The following PLXNA1 variants were observed in gnomAD, a reference collection of about 807,000 sequenced individuals.
PLXNA1 encodes plexin A1, also known as plexin-A1.
A neutral mutation model predicts 191.7 loss-of-function variants in PLXNA1; 77 were observed. That is an observed-to-expected ratio of 0.40 (90% CI 0.33 to 0.49). The LOEUF is 0.49. PLXNA1 is among the 20% of genes least tolerant of loss of function. PLXNA1 has a pLI of 0.63. For synonymous variants in PLXNA1, 1,137 were observed against 1,156.4 expected (o/e 0.98, Z 0.34); for missense variants, 2,110 against 2,660.2 (o/e 0.79, Z 4.55).
Position 127,012,138 on chromosome 3 carries a change from C to A in PLXNA1, c.2293C>A (p.Leu765Met), listed in dbSNP as rs2079099037. 6.2e-7 allele frequency: 1 copy of A among 1,612,336 alleles called. No homozygotes were observed. Among genetic ancestry groups the A allele is most frequent in the Non-Finnish European group, 8.5e-7 (1 of 1,179,824 alleles). ...CGCCCTGCGCTTCAACAGCTCCAGC[C>A]TGCAGTGCCAGAATTCCTCGGTGAG... Reference protein sequence around the residue: ...VTALRFNSSSLQCQNSSYSYE... With the variant: ...VTALRFNSSSMQCQNSSYSYE... Residue 765 changes from leucine to methionine, a missense_variant, in exon 10 of 32, where the codon CTG (leucine) becomes ATG (methionine). Leu to Met is a conservative substitution (Grantham distance 15, BLOSUM62 2). Transcript: ENST00000393409.
chr3:126,986,658 C>T (rs1039887201), intron 1 of PLXNA1, among the ~76,000 whole-genome samples: 1 of 152,142 alleles, frequency 6.6e-6, no homozygotes, highest in Non-Finnish European at 1.5e-5. Flanking sequence ...CCTGCTCTCA[C>T]AGGGCAGCCA....
intron 15 of PLXNA1, among the ~76,000 whole-genome samples, chr3:127,016,067 TCG>T (rs1341994031): frequency 6.6e-6 from 1 of 151,726 alleles, no homozygotes; most frequent in Non-Finnish European, 1.5e-5. Flanking sequence ...GCAGGGAAGG[TCG>T]CGCCAGGGCT....
Position 127,034,223 on chromosome 3 carries a change from C to T in PLXNA1, c.*206C>T, listed in dbSNP as rs774124003. Reference sequence around the variant, plus strand: ...GATGGTACCTGCCACACCACAGCTGCGCACACAGCTGCTTGCTCAGGGGCC... The same window carrying T: ...GATGGTACCTGCCACACCACAGCTGTGCACACAGCTGCTTGCTCAGGGGCC... On this transcript the variant is annotated 3_prime_UTR_variant, in exon 32 of 32. Transcript: ENST00000393409. 12 of 526,358 alleles carry T rather than the reference C, an allele frequency of 2.3e-5. No individual in the cohort carries two copies. The highest frequency in any genetic ancestry group is 3.1e-5 in the Non-Finnish European group (9 of 294,100). 32.6% of individuals were successfully genotyped at this position (526,358 alleles called of 1,614,324 possible).
Position 127,015,277 on chromosome 3 carries a change from G to T in PLXNA1, c.2971G>T (p.Asp991Tyr), listed in dbSNP as rs2079117220. The T allele has an allele frequency of 6.2e-7, 1 of 1,612,416 alleles. No homozygotes were observed. Among genetic ancestry groups the T allele is most frequent in the Non-Finnish European group, 8.5e-7 (1 of 1,179,644 alleles). Residue 991 changes from aspartate to tyrosine, a missense_variant, in exon 15 of 32, where the codon GAT becomes TAT. Around this residue, in one of 4 missense-constraint regions of PLXNA1, gnomAD observed 644 missense variants for 714.3 expected, o/e 0.90. Coordinates refer to ENST00000393409, the MANE Select transcript of PLXNA1 (RefSeq NM_032242.4). ...GGGAAGCCACCTGAACGCAGGCAGT[G>T]ATGTGGCTGTGTCGGTCGGTGGCCG... ...IEGSHLNAGS[D>Y]VAVSVGGRPC...
chr3:126,999,530 G>A (rs558351084), intron 3 of PLXNA1, among the ~76,000 whole-genome samples: 10 of 152,346 alleles, frequency 6.6e-5, no homozygotes, highest in East Asian at 3.9e-4. Context: ...GGCGCGTGCC[G>A]GTCCTGGCAC....
intron 26 of PLXNA1, 103 bp from the exon 27 acceptor site, chr3:127,029,337 G>A (rs2079194071): frequency 9.0e-7 from 1 of 1,105,988 alleles, no homozygotes. Context: ...CTGCCTCCAG[G>A]CACAGCACTA....
At chr3:127,021,330 G>C (rs916266633) in intron 21 of PLXNA1, among the ~76,000 whole-genome samples, 1 of 152,136 alleles carries the variant, frequency 6.6e-6, no homozygotes, top group Non-Finnish European at 1.5e-5. Flanking sequence ...TGTATGTTCT[G>C]CCTGGGCCAT....
Position 127,003,358 on chromosome 3 carries a change from G to A in PLXNA1, c.1406G>A (p.Gly469Asp), listed in dbSNP as rs569480080. 3.1e-6 allele frequency: 5 copies of A among 1,607,932 alleles called. No homozygotes were observed. In the African/African-American group the frequency reaches 5.3e-5, roughly 17 times the overall value. ...CTGGTGGACCTCTCAAACCCCGGTGGCCGGCCTGCCCTGGCCTACGAGAGC... is the reference window on the plus strand; with the variant it reads ...CTGGTGGACCTCTCAAACCCCGGTGACCGGCCTGCCCTGGCCTACGAGAGC... ...KILVDLSNPG[G>D]RPALAYESVV... Residue 469 changes from glycine (G) to aspartate (D), a missense_variant, in exon 4 of 32, where the codon GGC (glycine) becomes GAC (aspartate). Coordinates refer to ENST00000393409, the MANE Select transcript of PLXNA1 (RefSeq NM_032242.4).
intron 3 of PLXNA1, 114 bp downstream of exon 3, chr3:126,991,680 C>A: frequency 8.7e-7 from 1 of 1,146,610 alleles, no homozygotes; most frequent in Non-Finnish European, 1.2e-6. Flanking sequence ...CTAGATCTGG[C>A]GTACAGGGGG....
rs1280285838 is a variant in PLXNA1, at chr3:127,014,775, G to A, written c.2821G>A (p.Val941Met). Reference sequence around the variant, plus strand: ...CCATGACGCCCTGGTGGAGGTGTGTGTGCGGGACTGCTCACCACACTACCG... The same window carrying A: ...CCATGACGCCCTGGTGGAGGTGTGTATGCGGGACTGCTCACCACACTACCG... ...RAHDALVEVC[V>M]RDCSPHYRAL... The change falls in exon 14 of 32, where the codon GTG (valine) becomes ATG (methionine). Residue 941 changes from valine (V) to methionine (M), a missense_variant. Val to Met is a conservative substitution (Grantham distance 21, BLOSUM62 1). Coordinates refer to ENST00000393409, the MANE Select transcript of PLXNA1 (RefSeq NM_032242.4). The A allele has an allele frequency of 1.2e-6, 2 of 1,612,836 alleles. No homozygotes were observed. Among genetic ancestry groups the A allele is most frequent in the African/African-American group, 1.3e-5 (1 of 75,064 alleles).
chr3:126,988,734 C>A lies in PLXNA1; in HGVS notation c.141C>A (p.Ser47Arg). 1 of 1,583,550 alleles carries A rather than the reference C, an allele frequency of 6.3e-7. No homozygotes were observed. The highest frequency in any genetic ancestry group is 8.6e-7 in the Non-Finnish European group (1 of 1,162,004). ...SQPPFRTFSA[S>R]DWGLTHLVVH... The stretch of plus-strand genomic sequence containing the variant: ...CCCCCTTCCGCACCTTCTCGGCCAG[C>A]GACTGGGGCCTCACCCACCTAGTGG... Residue 47 changes from serine to arginine, a missense_variant, in exon 2 of 32, where the codon AGC becomes AGA. Ser to Arg is a moderately radical substitution (Grantham distance 110). Transcript: ENST00000393409.
At chr3:127,027,752 G>A (rs1009359995) in intron 23 of PLXNA1, 188 bp from the exon 24 acceptor site, 1 of 778,464 alleles carries the variant, frequency 1.3e-6, no homozygotes, top group South Asian at 1.5e-5. Flanking sequence ...GGTATGTTTT[G>A]TTTCCTGATT....
chr3:127,003,278 T>C (rs755922983), intron 3 of PLXNA1, 52 bp from the exon 4 acceptor site: 193 of 1,508,276 alleles, frequency 1.3e-4, no homozygotes, highest in Non-Finnish European at 1.7e-4. Context: ...GGGGTGGGGC[T>C]GGGTCAGGGA....
chr3:127,014,543 C>A lies in PLXNA1; in HGVS notation c.2670C>A (p.Gly890=), dbSNP rs760672799. Residue 890 remains glycine (G), a synonymous_variant, in exon 13 of 32, where the codon GGC becomes GGA. Coordinates refer to ENST00000393409, the MANE Select transcript of PLXNA1 (RefSeq NM_032242.4). ...TRLTITGENL[G]LRFEDVRLGV... ...TCACTATCACAGGCGAGAACCTGGG[C>A]CTGCGATTCGAAGACGTGCGTCTGG... 15 of 1,611,432 alleles carry A rather than the reference C, an allele frequency of 9.3e-6. No homozygotes were observed. In the South Asian group the frequency reaches 1.6e-4, roughly 18 times the overall value.
Position 127,029,858 on chromosome 3 carries a change from C to T in PLXNA1, c.4871-16C>T. The T allele has an allele frequency of 3.2e-6, 5 of 1,586,176 alleles. No individual in the cohort carries two copies. Among genetic ancestry groups the T allele is most frequent in the Non-Finnish European group, 4.3e-6 (5 of 1,160,184 alleles). On this transcript the variant is annotated splice_polypyrimidine_tract_variant and intron_variant, in intron 27 of 31. Transcript: ENST00000393409. ...GGGTGCCAGCCAACGCGGGCGCTGACAGCCTGGTGCTGCAGAGAGCATGCT... is the reference window on the plus strand; with the variant it reads ...GGGTGCCAGCCAACGCGGGCGCTGATAGCCTGGTGCTGCAGAGAGCATGCT...
At chr3:127,020,458 G>A in intron 21 of PLXNA1, 114 bp downstream of exon 21, 1 of 1,316,942 alleles carries the variant, frequency 7.6e-7, no homozygotes, top group African/African-American at 1.5e-5. Flanking sequence ...TGGCCTGGGG[G>A]AGGGTCCAGG....
chr3:127,001,454 A>G (rs1023982276), intron 3 of PLXNA1, among the ~76,000 whole-genome samples: 4 of 152,170 alleles, frequency 2.6e-5, no homozygotes, highest in Non-Finnish European at 4.4e-5. Context: ...GCCAGGGGCC[A>G]TATCCCCTGG....
Position 127,006,190 on chromosome 3 carries a change from T to TA in PLXNA1, c.1997+13dup, listed in dbSNP as rs1235410391. 6.2e-7 allele frequency: 1 copy of TA among 1,601,418 alleles called. No individual in the cohort carries two copies. The highest frequency in any genetic ancestry group is 1.3e-5 in the African/African-American group (1 of 74,692). On this transcript the variant is annotated intron_variant, in intron 8 of 31. Coordinates refer to ENST00000393409, the MANE Select transcript of PLXNA1 (RefSeq NM_032242.4). Reference sequence around the variant, plus strand: ...AGCGTCCACCAGTCGTGAGTGTCTCTAGGCCCCTCCGCCCGCCTGGGCCTG... The same window carrying TA: ...AGCGTCCACCAGTCGTGAGTGTCTCTAAGGCCCCTCCGCCCGCCTGGGCCTG...
In PLXNA1 at chr3:127,018,389, C is replaced by A; in HGVS notation, c.3756C>A (p.Gly1252=). Residue 1252 remains glycine, a synonymous_variant, in exon 20 of 32, where the codon GGC becomes GGA. Coordinates refer to ENST00000393409, the MANE Select transcript of PLXNA1 (RefSeq NM_032242.4). ...CTGCCATTGTGGGCATTGGCGGAGG[C>A]GGGGGTCTCCTGCTGCTGGTCATCG... ...TLPAIVGIGG[G]GGLLLLVIVA... 6.2e-7 allele frequency: 1 copy of A among 1,613,028 alleles called. No individual in the cohort carries two copies. The highest frequency in any genetic ancestry group is 2.2e-5 in the East Asian group (1 of 44,886).
Sources: allele counts gnomAD v4.1 joint callset (sites outside exome capture counted in the v4.1 genomes callset), GRCh38; gene constraint gnomAD v4.1.1; regional missense constraint gnomAD v4.1.1; transcripts MANE v1.5; gene names NCBI Gene and HGNC (gene_info 2026-07-23, HGNC 2026-07-21).